The following PDGFD variants were observed in gnomAD, a reference collection of about 807,000 sequenced individuals.
PDGFD encodes the protein platelet-derived growth factor D.
In PDGFD, 30 loss-of-function variants were observed where a neutral mutation model predicts 44.7. The ratio of observed to expected loss-of-function variants is 0.67; its 90% CI spans 0.50 to 0.91. PDGFD has a LOEUF of 0.91. PDGFD is among the 40% of genes least tolerant of loss of function. PDGFD has a pLI of 0.00. For missense variants in PDGFD, 445 were observed against 457.8 expected (o/e 0.97, Z 0.25); for synonymous variants, 173 against 168.4 (o/e 1.03, Z -0.21).
intron 3 of PDGFD, among the ~76,000 whole-genome samples, chr11:103,949,907 C>A (rs1858723236): frequency 6.6e-6 from 1 of 152,000 alleles, no homozygotes; most frequent in Admixed American, 6.6e-5. Flanking sequence ...GGGTAGAAGA[C>A]TCAAAGGGAA....
At chr11:104,036,628 C>A in intron 1 of PDGFD, 1 of 599,332 alleles carries the variant, frequency 1.7e-6, no homozygotes, top group Non-Finnish European at 3.0e-6. Context: ...TCCACCTGGC[C>A]ACACAGCAGG....
intron 1 of PDGFD, among the ~76,000 whole-genome samples, chr11:104,116,518 T>C (rs79290145): frequency 0.13 from 19,822 of 150,892 alleles, 1,424 homozygotes; most frequent in East Asian, 0.29. Context: ...GAGGAAATCC[T>C]CCCTAAGTCA....
intron 1 of PDGFD, among the ~76,000 whole-genome samples, chr11:104,087,790 A>G (rs1404286005): frequency 2.6e-5 from 4 of 152,222 alleles, no homozygotes; most frequent in Non-Finnish European, 5.9e-5. Context: ...CTGTGCCGCA[A>G]GCAGATAAGT....
chr11:104,025,203 T>A (rs1326848778), intron 1 of PDGFD, among the ~76,000 whole-genome samples: 2 of 152,236 alleles, frequency 1.3e-5, no homozygotes, highest in East Asian at 3.8e-4. Context: ...ACAGGCACTT[T>A]GAAATCTGAA....
rs1387338999 is a variant in PDGFD at position 103,985,056 on chromosome 11, ATAT to A, written c.510+11006_510+11008del. On this transcript the variant is annotated intron_variant, in intron 3 of 6. Transcript: ENST00000393158. ...TGATATAGTTATATTTGTTTAATAT[ATAT>A]TAATTTATTTAATAGTTATATTTAT... 1.6e-5 allele frequency among the ~76,000 whole-genome samples: 2 copies of A among 127,018 alleles called. 1 individual carries two copies. Among genetic ancestry groups the A allele is most frequent in the African/African-American group, 6.0e-5 (2 of 33,128 alleles). The allele number at this position is 127,018 out of a possible 152,430, so 83.3% of individuals were successfully genotyped here.
intron 1 of PDGFD, among the ~76,000 whole-genome samples, chr11:104,035,561 CTTTTTTTTT>C (rs3050598): frequency 1.7e-5 from 2 of 115,286 alleles, no homozygotes; most frequent in Non-Finnish European, 1.7e-5. Context: ...ACTTCTTTTT[CTTTTTTTTT>C]TTTTTTTTTT....
intron 1 of PDGFD, among the ~76,000 whole-genome samples, chr11:104,045,038 AAAACAAAC>A (rs574441782): frequency 1.3e-5 from 2 of 152,046 alleles, no homozygotes; most frequent in African/African-American, 2.4e-5. Context: ...ACTCTGTCTA[AAAACAAAC>A]AAACAAACAA....
intron 1 of PDGFD, among the ~76,000 whole-genome samples, chr11:104,062,522 A>G (rs1286841835): frequency 6.6e-6 from 1 of 152,230 alleles, no homozygotes; most frequent in African/African-American, 2.4e-5. Flanking sequence ...GGCTGCAAAA[A>G]TATCCAAATG....
intron 1 of PDGFD, among the ~76,000 whole-genome samples, chr11:104,080,878 G>T (rs1861036955): frequency 6.6e-6 from 1 of 152,174 alleles, no homozygotes; most frequent in South Asian, 2.1e-4. Flanking sequence ...GCAACCCTGA[G>T]GAGAAGACCA....
chr11:104,149,590 C>T (rs143124885), intron 1 of PDGFD, among the ~76,000 whole-genome samples: 2 of 152,300 alleles, frequency 1.3e-5, no homozygotes, highest in East Asian at 1.9e-4. Context: ...ACAAATATGG[C>T]AGGCTCATGG....
At chr11:104,130,382 G>A (rs769190938) in intron 1 of PDGFD, among the ~76,000 whole-genome samples, 1 of 152,136 alleles carries the variant, frequency 6.6e-6, no homozygotes, top group Non-Finnish European at 1.5e-5. Context: ...GTGCCTCAAA[G>A]TGAATGAACA....
At chr11:104,075,704 T>C (rs1028765034) in intron 1 of PDGFD, among the ~76,000 whole-genome samples, 2 of 152,132 alleles carry the variant, frequency 1.3e-5, no homozygotes, top group African/African-American at 4.8e-5. Flanking sequence ...CCTAGTTATC[T>C]GCAACCTGTC....
chr11:104,076,168 C>T (rs1860955847), intron 1 of PDGFD, among the ~76,000 whole-genome samples: 1 of 152,066 alleles, frequency 6.6e-6, no homozygotes, highest in Non-Finnish European at 1.5e-5. Context: ...TTCCTTTTTT[C>T]CCCCTCACAT....
At chr11:103,947,382 T>C (rs954819361) in intron 4 of PDGFD, among the ~76,000 whole-genome samples, 2 of 152,192 alleles carry the variant, frequency 1.3e-5, no homozygotes, top group African/African-American at 4.8e-5. Flanking sequence ...AGACCTTTAA[T>C]TGGAATGCTC....
intron 1 of PDGFD, among the ~76,000 whole-genome samples, chr11:104,036,293 A>C (rs1222248399): frequency 1.3e-5 from 2 of 151,840 alleles, no homozygotes; most frequent in African/African-American, 2.4e-5. Context: ...AAAATACAAC[A>C]ATTAGCCGGG....
chr11:104,067,819 G>C (rs1054549461), intron 1 of PDGFD, among the ~76,000 whole-genome samples: 23 of 152,100 alleles, frequency 1.5e-4, no homozygotes, highest in Admixed American at 3.3e-4. Context: ...TGAGTACATA[G>C]AGCAGTTATG....
Position 103,953,517 on chromosome 11 carries a change from C to T in PDGFD, c.511-5793G>A, listed in dbSNP as rs1858790339. On this transcript the variant is annotated intron_variant, in intron 3 of 6. Transcript: ENST00000393158. ...TGTTTTAAAATGTCATAGTAAACATCTAGTTTTAGTAAAACAGTAAATTTC... is the reference window on the plus strand; with the variant it reads ...TGTTTTAAAATGTCATAGTAAACATTTAGTTTTAGTAAAACAGTAAATTTC... Among the ~76,000 whole-genome samples, 4 of 152,168 alleles carry T rather than the reference C, an allele frequency of 2.6e-5. No individual in the cohort carries two copies. The South Asian group carries it at 8.3e-4, about 32-fold the overall frequency.
intron 1 of PDGFD, among the ~76,000 whole-genome samples, chr11:104,127,658 C>A (rs361300): frequency 0.63 from 95,979 of 151,994 alleles, 30,607 homozygotes; most frequent in East Asian, 0.75. Context: ...ACGACTTATT[C>A]AAAATGTGTG....
intron 1 of PDGFD, among the ~76,000 whole-genome samples, chr11:104,048,775 A>C (rs747736927): frequency 1.2e-4 from 19 of 152,244 alleles, no homozygotes; most frequent in Admixed American, 2.6e-4. Context: ...TGCATCTGGC[A>C]CTGCTTCCGG....
Sources: gnomAD v4.1 joint callset for allele counts (sites outside exome capture counted in the v4.1 genomes callset) on GRCh38, gnomAD v4.1.1 for gene constraint, MANE v1.5 for transcripts, NCBI Gene and HGNC (gene_info 2026-07-23, HGNC 2026-07-21) for gene names.